MGAT4A: variants seen among roughly 807,000 people sequenced by gnomAD.
MGAT4A encodes alpha-1,3-mannosyl-glycoprotein 4-beta-N-acetylglucosaminyltransferase A, also known as N-acetylglucosaminyltransferase IVa.
MGAT4A carries 33 observed loss-of-function variants against 74.1 expected under a neutral mutation model. The ratio of observed to expected loss-of-function variants is 0.45; its 90% confidence interval spans 0.34 to 0.60. The LOEUF is 0.60. MGAT4A is among the 20% of genes least tolerant of loss of function. MGAT4A has a pLI of 0.02. For missense variants in MGAT4A, 479 were observed against 628.3 expected, an observed-to-expected ratio of 0.76 and a Z score of 2.54; for synonymous variants, 198 against 210.4, an observed-to-expected ratio of 0.94 and a Z score of 0.51.
chr2:98,619,556 C>A lies in MGAT4A; in HGVS notation c.*6010G>T, dbSNP rs927586407. The A allele has an allele frequency of 2.0e-5, 3 of 152,148 alleles. No individual in the cohort carries two copies. Among genetic ancestry groups the A allele is most frequent in the Admixed American group, 2.0e-4 (3 of 15,274 alleles). 9.4% of individuals were successfully genotyped at this position (152,148 alleles called of 1,614,324 possible). A position where few individuals can be genotyped will look rare whatever the true frequency, so the allele number is the denominator to read the frequency against. ...TGTTACACTTTGCTGATTTCTAAATCTTTCTTAGAAAACATTACTGCCTAC... is the reference window on the plus strand; with the variant it reads ...TGTTACACTTTGCTGATTTCTAAATATTTCTTAGAAAACATTACTGCCTAC... On this transcript the variant is annotated 3_prime_UTR_variant, in exon 16 of 16. Transcript: ENST00000393487.
intron 8 of MGAT4A, among the ~76,000 whole-genome samples, chr2:98,650,897 G>A (rs1322435954): frequency 1.3e-5 from 2 of 152,018 alleles, no homozygotes; most frequent in African/African-American, 2.4e-5. Flanking sequence ...ACAGTGAGCC[G>A]AGATCGCGCC....
chr2:98,731,104 C>G lies in MGAT4A; in HGVS notation c.-292G>C, dbSNP rs1194401180. Reference sequence around the variant, plus strand: ...GCCGGCGGAGCTGCTGTAGCCGCCGCCGCCGCTGCCGCCGCCGCTGCGGGC... The same window carrying G: ...GCCGGCGGAGCTGCTGTAGCCGCCGGCGCCGCTGCCGCCGCCGCTGCGGGC... On this transcript the variant is annotated 5_prime_UTR_variant, in exon 1 of 16. Transcript: ENST00000393487. This position sits in a 1 kb window ranked among gnomAD's most constrained non-coding sequence, Gnocchi z 4.8. 1 of 72,668 alleles carries G rather than the reference C, an allele frequency of 1.4e-5. No homozygotes were observed. The highest frequency in any genetic ancestry group is 1.2e-4 in the African/African-American group (1 of 8,614). 4.5% of individuals were successfully genotyped at this position (72,668 alleles called of 1,614,324 possible). A position where few individuals can be genotyped will look rare whatever the true frequency, so the allele number is the denominator to read the frequency against.
chr2:98,722,062 G>C (rs1702680049), intron 2 of MGAT4A, among the ~76,000 whole-genome samples: 1 of 152,138 alleles, frequency 6.6e-6, no homozygotes, highest in African/African-American at 2.4e-5. Context: ...ATGTGTACAG[G>C]TCTCATCACT....
intron 14 of MGAT4A, among the ~76,000 whole-genome samples, chr2:98,633,736 A>C (rs1226460664): frequency 6.6e-6 from 1 of 152,296 alleles, no homozygotes; most frequent in African/African-American, 2.4e-5. Context: ...TACTATAGAG[A>C]TATTTAATAT....
chr2:98,730,979 C>G (rs1286527994), intron 1 of MGAT4A, 69 bp downstream of exon 1: 1 of 146,092 alleles, frequency 6.8e-6, no homozygotes, highest in African/African-American at 2.5e-5. Flanking sequence ...AACTCCCGCG[C>G]CCTCCGCGCA....
At chr2:98,707,946 C>A (rs1051920347) in intron 2 of MGAT4A, among the ~76,000 whole-genome samples, 3 of 152,166 alleles carry the variant, frequency 2.0e-5, no homozygotes, top group African/African-American at 7.2e-5. Flanking sequence ...CAACAGGACT[C>A]GCTTTTAGAA....
chr2:98,648,578 G>A (rs1701529846), intron 8 of MGAT4A, among the ~76,000 whole-genome samples: 1 of 151,822 alleles, frequency 6.6e-6, no homozygotes, highest in South Asian at 2.1e-4. Context: ...AATTAGCCAG[G>A]CATGGTGGTG....
At chr2:98,638,370 TA>T (rs1701355206) in intron 12 of MGAT4A, among the ~76,000 whole-genome samples, 1 of 152,258 alleles carries the variant, frequency 6.6e-6, no homozygotes, top group African/African-American at 2.4e-5. Context: ...TCTATAAGGA[TA>T]TTCTATAAAG....
chr2:98,625,475 T>C lies in MGAT4A; in HGVS notation c.*91A>G. 1.3e-6 allele frequency: 2 copies of C among 1,565,524 alleles called. No individual in the cohort carries two copies. Among genetic ancestry groups the C allele is most frequent in the Non-Finnish European group, 1.7e-6 (2 of 1,161,658 alleles). On this transcript the variant is annotated 3_prime_UTR_variant, in exon 16 of 16. Transcript: ENST00000393487. ...TATCTACAGTAGACTTCACAAGAGG[T>C]AGTGTTCAAGTAGAAATAAAAAAAA... is the stretch of plus-strand genomic sequence containing the variant.
chr2:98,646,903 A>G (rs1403000533), intron 8 of MGAT4A, among the ~76,000 whole-genome samples: 1 of 152,214 alleles, frequency 6.6e-6, no homozygotes, highest in East Asian at 1.9e-4. Flanking sequence ...ATAGTACCCA[A>G]TAGGTAACAT....
chr2:98,654,629 T>A lies in MGAT4A; in HGVS notation c.774+816A>T, dbSNP rs1701632579. Among the ~76,000 whole-genome samples, 3 of 152,090 alleles carry A rather than the reference T, an allele frequency of 2.0e-5. 1 individual carries two copies. The highest frequency in any genetic ancestry group is 4.4e-5 in the Non-Finnish European group (3 of 68,022). The stretch of plus-strand genomic sequence containing the variant: ...GGTGGAAAATTTTTCTACAAAACAT[T>A]TCTAAAAGAAATCAAAGAAGATACA... On this transcript the variant is annotated intron_variant, in intron 8 of 15. Transcript: ENST00000393487.
intron 2 of MGAT4A, among the ~76,000 whole-genome samples, chr2:98,685,570 A>C (rs547463812): frequency 6.6e-6 from 1 of 152,334 alleles, no homozygotes; most frequent in African/African-American, 2.4e-5. Context: ...AGGGTGGTTT[A>C]GGAGAACTAA....
At chr2:98,654,982 T>TA (rs1426576287) in intron 8 of MGAT4A, among the ~76,000 whole-genome samples, 1 of 152,296 alleles carries the variant, frequency 6.6e-6, no homozygotes, top group Non-Finnish European at 1.5e-5. Context: ...GTTGTGCTGC[T>TA]AAAAATAATT....
At chr2:98,698,171 T>G (rs1169554581) in intron 2 of MGAT4A, among the ~76,000 whole-genome samples, 1 of 152,138 alleles carries the variant, frequency 6.6e-6, no homozygotes, top group African/African-American at 2.4e-5. Flanking sequence ...TCCAGCACTT[T>G]GGGAGGCTAA....
chr2:98,689,928 T>G (rs918295483), intron 2 of MGAT4A, among the ~76,000 whole-genome samples: 2 of 152,074 alleles, frequency 1.3e-5, no homozygotes, highest in African/African-American at 2.4e-5. Context: ...AGTAGTGAGT[T>G]CTCTGAATTT....
intron 8 of MGAT4A, among the ~76,000 whole-genome samples, chr2:98,648,542 T>G (rs565740395): frequency 4.6e-4 from 69 of 148,660 alleles, no homozygotes; most frequent in African/African-American, 1.6e-3. Flanking sequence ...TGAGACCCTG[T>G]TTTTACAAAA....
intron 10 of MGAT4A, 23 bp from the exon 11 acceptor site, chr2:98,640,251 T>C: frequency 1.3e-6 from 2 of 1,563,278 alleles, no homozygotes; most frequent in Non-Finnish European, 1.8e-6. Flanking sequence ...AAAAATCACG[T>C]TAGTGTTGCA....
chr2:98,670,753 C>T (rs1051740017), intron 4 of MGAT4A, among the ~76,000 whole-genome samples: 8 of 152,096 alleles, frequency 5.3e-5, no homozygotes, highest in Non-Finnish European at 4.4e-5. Flanking sequence ...GTTCATCTTC[C>T]TCTTTCCCTG....
intron 2 of MGAT4A, among the ~76,000 whole-genome samples, chr2:98,724,665 G>C (rs1285538379): frequency 6.6e-6 from 1 of 151,590 alleles, no homozygotes; most frequent in Non-Finnish European, 1.5e-5. Flanking sequence ...TTATTATAAG[G>C]CCTTTACATA....
Sources: allele counts gnomAD v4.1 joint callset (sites outside exome capture counted in the v4.1 genomes callset), GRCh38; gene constraint gnomAD v4.1.1; non-coding constraint Gnocchi (gnomAD v3.1); transcripts MANE v1.5; gene names NCBI Gene and HGNC (gene_info 2026-07-23, HGNC 2026-07-21).